Variants in KCNJ3 observed in about 807,000 individuals in gnomAD.
KCNJ3 encodes the protein potassium inwardly rectifying channel subfamily J member 3, also known as G protein-activated inward rectifier potassium channel 1.
KCNJ3 carries 4 observed loss-of-function variants against 39.2 expected under a neutral mutation model. That is an observed-to-expected ratio of 0.10 (90% confidence interval 0.05 to 0.23). KCNJ3 has a LOEUF of 0.23. KCNJ3 is among the 10% of genes least tolerant of loss of function. KCNJ3 has a pLI of 1.00. For synonymous variants in KCNJ3, 230 were observed against 237.4 expected (o/e 0.97, Z 0.29); for missense variants, 276 against 634.9 (o/e 0.43, Z 6.08).
chr2:154,706,599 C>T (rs1367366661), intron 1 of KCNJ3, among the ~76,000 whole-genome samples: 1 of 152,058 alleles, frequency 6.6e-6, no homozygotes, highest in African/African-American at 2.4e-5. Context: ...CAAACTTTCT[C>T]TCACTCCTTT....
At chr2:154,822,698 C>T (rs1012849005) in intron 2 of KCNJ3, among the ~76,000 whole-genome samples, 9 of 151,776 alleles carry the variant, frequency 5.9e-5, no homozygotes, top group Admixed American at 1.3e-4. Context: ...AATTAATATG[C>T]TAATTAGATA....
chr2:154,813,550 G>A (rs1687035792), intron 2 of KCNJ3, among the ~76,000 whole-genome samples: 1 of 151,994 alleles, frequency 6.6e-6, no homozygotes. Flanking sequence ...GTAGAACATA[G>A]GTTTAGATGG....
At chr2:154,831,953 C>T (rs948225269) in intron 2 of KCNJ3, among the ~76,000 whole-genome samples, 4 of 152,014 alleles carry the variant, frequency 2.6e-5, no homozygotes, top group Non-Finnish European at 5.9e-5. Flanking sequence ...CCAGTCATGG[C>T]GGAAGGTGAA....
chr2:154,720,453 A>T (rs1342269553), intron 2 of KCNJ3, among the ~76,000 whole-genome samples: 1 of 152,088 alleles, frequency 6.6e-6, no homozygotes, highest in African/African-American at 2.4e-5. Flanking sequence ...CCCTTAAATT[A>T]CTGTCAAGCG....
chr2:154,820,849 T>C (rs1045458242), intron 2 of KCNJ3, among the ~76,000 whole-genome samples: 1 of 152,206 alleles, frequency 6.6e-6, no homozygotes, highest in Non-Finnish European at 1.5e-5. Flanking sequence ...CCTTAACAAC[T>C]AAAGTGATTT....
chr2:154,701,412 T>C (rs191490489), intron 1 of KCNJ3, among the ~76,000 whole-genome samples: 1 of 152,276 alleles, frequency 6.6e-6, no homozygotes, highest in East Asian at 1.9e-4. Flanking sequence ...TTGATGTTTA[T>C]AGATTTTATT....
In KCNJ3 at chr2:154,856,777, C is replaced by CAGTAGA; in HGVS notation, c.*1466_*1471dup. ...ATTAGCAGGAATCAAAACTAGTGAT[C>CAGTAGA]AGTAGAACACTTTCAAAATAAAAAT... is the stretch of plus-strand genomic sequence containing the variant. On this transcript the variant is annotated 3_prime_UTR_variant, in exon 3 of 3. Transcript: ENST00000295101. 6.6e-6 allele frequency: 1 copy of CAGTAGA among 152,162 alleles called. No individual in the cohort carries two copies. Among genetic ancestry groups the CAGTAGA allele is most frequent in the East Asian group, 1.9e-4 (1 of 5,172 alleles). The allele number at this position is 152,162 out of a possible 1,614,324, so 9.4% of individuals were successfully genotyped here.
intron 2 of KCNJ3, among the ~76,000 whole-genome samples, chr2:154,769,844 A>T (rs530918234): frequency 6.6e-6 from 1 of 152,110 alleles, no homozygotes; most frequent in African/African-American, 2.4e-5. Context: ...TTATATGACA[A>T]TGTTGGGATA....
intron 2 of KCNJ3, among the ~76,000 whole-genome samples, chr2:154,828,159 C>T (rs554245129): frequency 1.3e-5 from 2 of 152,260 alleles, no homozygotes; most frequent in Admixed American, 6.5e-5. Flanking sequence ...ATTACTACTA[C>T]TTACCTATTA....
chr2:154,727,451 G>A (rs879726774), intron 2 of KCNJ3, among the ~76,000 whole-genome samples: 1 of 151,582 alleles, frequency 6.6e-6, no homozygotes, highest in Non-Finnish European at 1.5e-5. Context: ...AATCAACCAG[G>A]CGTGGTGGTG....
intron 2 of KCNJ3, among the ~76,000 whole-genome samples, chr2:154,719,171 G>A (rs530143224): frequency 2.0e-4 from 30 of 152,196 alleles, no homozygotes; most frequent in African/African-American, 7.0e-4. Context: ...TGTGGTCCAG[G>A]AAATGTGCAT....
intron 2 of KCNJ3, among the ~76,000 whole-genome samples, chr2:154,807,753 G>A (rs976480838): frequency 3.9e-5 from 6 of 152,168 alleles, no homozygotes; most frequent in African/African-American, 1.4e-4. Flanking sequence ...CTGGTGAAGA[G>A]TGGCAGATCT....
chr2:154,852,713 G>A (rs565737574), intron 2 of KCNJ3, among the ~76,000 whole-genome samples: 1 of 152,066 alleles, frequency 6.6e-6, no homozygotes, highest in Non-Finnish European at 1.5e-5. Flanking sequence ...GATAATCTAT[G>A]ATTTTTCTTA....
chr2:154,837,897 G>T (rs1687498420), intron 2 of KCNJ3, among the ~76,000 whole-genome samples: 1 of 152,156 alleles, frequency 6.6e-6, no homozygotes, highest in Admixed American at 6.6e-5. Flanking sequence ...TTTAAAAATG[G>T]AATTTAAGAG....
intron 2 of KCNJ3, among the ~76,000 whole-genome samples, chr2:154,807,063 T>G (rs1233457867): frequency 2.0e-5 from 3 of 152,172 alleles, no homozygotes; most frequent in Non-Finnish European, 2.9e-5. Context: ...GGGACACATT[T>G]ATTATCACTA....
intron 2 of KCNJ3, among the ~76,000 whole-genome samples, chr2:154,818,676 C>T (rs1169964466): frequency 1.3e-5 from 2 of 152,104 alleles, no homozygotes; most frequent in Non-Finnish European, 2.9e-5. Flanking sequence ...TGCTGCCATT[C>T]TATACTTATT....
intron 2 of KCNJ3, among the ~76,000 whole-genome samples, chr2:154,743,724 A>G (rs972292787): frequency 6.6e-6 from 1 of 151,504 alleles, no homozygotes; most frequent in Non-Finnish European, 1.5e-5. Context: ...GAGGTTTTGT[A>G]TTTAAAGGTT....
intron 2 of KCNJ3, among the ~76,000 whole-genome samples, chr2:154,744,987 C>T (rs115531772): frequency 2.3e-3 from 350 of 151,870 alleles, no homozygotes; most frequent in African/African-American, 7.9e-3. Context: ...CTTTGACCCA[C>T]GGACTATTTA....
intron 2 of KCNJ3, among the ~76,000 whole-genome samples, chr2:154,721,215 A>T (rs1304899680): frequency 2.0e-5 from 3 of 152,128 alleles, no homozygotes; most frequent in African/African-American, 7.2e-5. Flanking sequence ...TCTTTTACGC[A>T]AAAGGTCAGG....
Sources: allele counts gnomAD v4.1 joint callset (sites outside exome capture counted in the v4.1 genomes callset), GRCh38; gene constraint gnomAD v4.1.1; transcripts MANE v1.5; gene names NCBI Gene and HGNC (gene_info 2026-07-23, HGNC 2026-07-21).